FGF13: variants seen among roughly 807,000 people sequenced by gnomAD.
The protein encoded by FGF13 is fibroblast growth factor homologous factor 2.
In FGF13, 2 loss-of-function variants were observed where a neutral mutation model predicts 19.5. The ratio of observed to expected loss-of-function variants is 0.10; its 90% CI spans 0.04 to 0.32. The LOEUF (loss-of-function observed/expected upper bound fraction) is 0.32, where lower values mean the gene tolerates loss of function less well. Ranked by LOEUF, FGF13 falls within the 10% of genes least tolerant of loss-of-function variation. The pLI is 1.00. For synonymous variants in FGF13, 72 were observed against 76.9 expected, an observed-to-expected ratio of 0.94 and a Z score of 0.33; for missense variants, 113 against 192.7, an observed-to-expected ratio of 0.59 and a Z score of 2.45.
intron 1 of FGF13, among the ~76,000 whole-genome samples, chrX:139,049,776 A>G (rs1314859781): frequency 8.9e-6 from 1 of 112,477 alleles, no homozygotes; most frequent in Non-Finnish European, 1.9e-5. Flanking sequence ...TCGGAATCCC[A>G]TAGCATTCCT....
intron 1 of FGF13, among the ~76,000 whole-genome samples, chrX:139,028,886 T>C (rs920688597): frequency 3.6e-5 from 4 of 110,139 alleles, no homozygotes; most frequent in Non-Finnish European, 7.6e-5. Context: ...CTTACATAAA[T>C]ACATACATAC....
chrX:138,710,850 A>G lies in FGF13; in HGVS notation c.154T>C (p.Phe52Leu), dbSNP rs1328920988. Residue 52 changes from phenylalanine (F) to leucine (L), a missense_variant, in exon 1 of 5, where the codon TTC becomes CTC. Transcript: ENST00000315930. Reference sequence around the variant, plus strand: ...CTTCTGCGCCTCTTCTTGGAGCCGAAGAGTTTGACCCGGGAAAAGACATTT... The same window carrying G: ...CTTCTGCGCCTCTTCTTGGAGCCGAGGAGTTTGACCCGGGAAAAGACATTT... ...KLNVFSRVKL[F>L]GSKKRRRRRP... is the part of the protein sequence containing the mutation. The G allele has an allele frequency of 2.5e-6, 3 of 1,212,260 alleles. No homozygotes were observed. The highest frequency in any genetic ancestry group is 3.3e-6 in the Non-Finnish European group (3 of 895,598).
chrX:138,749,075 A>G (rs1459409449), intron 3 of FGF13, among the ~76,000 whole-genome samples: 2 of 111,229 alleles, frequency 1.8e-5, no homozygotes, highest in African/African-American at 6.6e-5. Context: ...AGAGACAGAC[A>G]ATAAACAGGC....
intron 1 of FGF13, among the ~76,000 whole-genome samples, chrX:139,171,182 T>C (rs1367389014): frequency 1.8e-5 from 2 of 108,113 alleles, no homozygotes; most frequent in African/African-American, 7.3e-5. Flanking sequence ...GGTTGTGCCC[T>C]ATTCATCTTA....
intron 1 of FGF13, among the ~76,000 whole-genome samples, chrX:139,144,491 G>GAAGTTGCTT (rs2083871488): frequency 9.0e-6 from 1 of 111,204 alleles, no homozygotes; most frequent in African/African-American, 3.3e-5. Context: ...CCCCTGACAT[G>GAAGTTGCTT]CACTGCAGTC....
At chrX:138,967,296 C>T (rs1166529518) in intron 1 of FGF13, among the ~76,000 whole-genome samples, 5 of 111,400 alleles carry the variant, frequency 4.5e-5, no homozygotes, top group Non-Finnish European at 9.4e-5. Flanking sequence ...AGAAAATTAA[C>T]GAATACCATT....
Position 138,632,079 on chromosome X carries a change from T to C in FGF13, c.*771A>G, listed in dbSNP as rs1188648465. 2.7e-5 allele frequency: 3 copies of C among 111,225 alleles called. No homozygotes were observed. The Admixed American group carries it at 2.9e-4, about 11-fold the overall frequency. The allele number at this position is 111,225 out of a possible 1,213,427, so 9.2% of individuals were successfully genotyped here. ...AAGAGAAATCTACACTTGAGGATAA[T>C]TTTTTGAAGTTCTCTTTACTGACTG... On this transcript the variant is annotated 3_prime_UTR_variant, in exon 5 of 5. Transcript: ENST00000315930.
At chrX:138,674,097 A>G (rs113412517) in intron 3 of FGF13, among the ~76,000 whole-genome samples, 1 of 110,573 alleles carries the variant, frequency 9.0e-6, no homozygotes, top group Non-Finnish European at 1.9e-5. Flanking sequence ...TACTACTAAA[A>G]AGGAGAAGGT....
intron 3 of FGF13, among the ~76,000 whole-genome samples, chrX:138,687,386 A>T (rs1602700819): frequency 8.9e-6 from 1 of 112,353 alleles, no homozygotes; most frequent in East Asian, 2.8e-4. Context: ...CAACTCTTCA[A>T]CAGACACATG....
intron 1 of FGF13, among the ~76,000 whole-genome samples, chrX:139,003,338 C>T (rs1319922449): frequency 9.0e-6 from 1 of 110,958 alleles, no homozygotes; most frequent in African/African-American, 3.3e-5. Context: ...AGATCTTCGC[C>T]GTGAGTGTTA....
At chrX:139,195,935 G>A (rs1012266997) in intron 1 of FGF13, among the ~76,000 whole-genome samples, 1 of 111,545 alleles carries the variant, frequency 9.0e-6, no homozygotes, top group Non-Finnish European at 1.9e-5. Context: ...CTTTCATCAC[G>A]ATTAATATAG....
intron 1 of FGF13, among the ~76,000 whole-genome samples, chrX:139,168,135 A>G (rs2084100900): frequency 8.9e-6 from 1 of 111,770 alleles, no homozygotes; most frequent in South Asian, 3.7e-4. Context: ...TTCATACTTA[A>G]TAGTCAAGAT....
chrX:139,184,525 C>G (rs955147166), intron 1 of FGF13, among the ~76,000 whole-genome samples: 6 of 111,373 alleles, frequency 5.4e-5, no homozygotes, highest in African/African-American at 2.0e-4. Flanking sequence ...TTTACCACCA[C>G]CACTACCATA....
In FGF13 at chrX:138,626,026, C is replaced by A. The variant is rs2089060842; in HGVS notation, c.*6824G>T. 1 of 111,068 alleles carries A rather than the reference C, an allele frequency of 9.0e-6. No individual in the cohort carries two copies. Among genetic ancestry groups the A allele is most frequent in the African/African-American group, 3.3e-5 (1 of 30,044 alleles). 9.2% of individuals were successfully genotyped at this position (111,068 alleles called of 1,213,427 possible). ...TAGCCTAATAGGCAAGGTTGTGAATCATACTTTGCTCAGAGTCTATTTTCT... is the reference window on the plus strand; with the variant it reads ...TAGCCTAATAGGCAAGGTTGTGAATAATACTTTGCTCAGAGTCTATTTTCT... On this transcript the variant is annotated 3_prime_UTR_variant, in exon 5 of 5. Coordinates refer to ENST00000315930, the MANE Select transcript of FGF13 (RefSeq NM_004114.5).
chrX:138,698,491 A>T (rs2089917384), intron 3 of FGF13, among the ~76,000 whole-genome samples: 1 of 111,877 alleles, frequency 8.9e-6, no homozygotes, highest in Admixed American at 9.5e-5. Flanking sequence ...GGTATCAGGA[A>T]TTTGGAACAA....
At position 138,622,019 on chromosome X, in the gene FGF13, T is replaced by C. The variant is rs1350778646; in HGVS notation, c.*10831A>G. The C allele has an allele frequency of 1.8e-5, 2 of 108,742 alleles. No individual in the cohort carries two copies. Among genetic ancestry groups the C allele is most frequent in the Non-Finnish European group, 3.8e-5 (2 of 52,422 alleles). The allele number at this position is 108,742 out of a possible 1,213,427, so 9.0% of individuals were successfully genotyped here. On this transcript the variant is annotated 3_prime_UTR_variant, in exon 5 of 5. Transcript: ENST00000315930. ...CTTCAGTGGTGAATTCTACCCAACA[T>C]TTAAAGAAAATCTAATATCAATCCT...
intron 1 of FGF13, among the ~76,000 whole-genome samples, chrX:139,100,041 AACAC>A (rs56821859): frequency 0.011 from 862 of 76,321 alleles, 9 homozygotes; most frequent in African/African-American, 0.013. Flanking sequence ...GGGGAAAGCA[AACAC>A]ACACACACAC....
intron 3 of FGF13, among the ~76,000 whole-genome samples, chrX:138,821,407 T>C (rs1442881612): frequency 8.9e-6 from 1 of 111,840 alleles, no homozygotes; most frequent in African/African-American, 3.2e-5. Context: ...TGAGTATGCC[T>C]GGAACGACTT....
At chrX:138,984,523 G>GGAAGAAGAAGAAGAAGAAGAAGAAGAA (rs1209275314) in intron 1 of FGF13, among the ~76,000 whole-genome samples, 4 of 31,578 alleles carry the variant, frequency 1.3e-4, no homozygotes, top group Admixed American at 4.8e-4. Flanking sequence ...AAGAAGAAGA[G>GGAAGAAGAAGAAGAAGAAGAAGAAGAA]GAAGAAGAAG....
Sources: allele counts gnomAD v4.1 joint callset (sites outside exome capture counted in the v4.1 genomes callset), GRCh38; gene constraint gnomAD v4.1.1; transcripts MANE v1.5; gene names NCBI Gene and HGNC (gene_info 2026-07-23, HGNC 2026-07-21).